GUCY1A2: variants seen among roughly 807,000 people sequenced by gnomAD.
The protein encoded by GUCY1A2 is guanylate cyclase 1 soluble subunit alpha 2, also known as guanylate cyclase soluble subunit alpha-2.
A neutral mutation model predicts 63.5 loss-of-function variants in GUCY1A2; 27 were observed. The ratio of observed to expected loss-of-function variants is 0.43; its 90% CI spans 0.31 to 0.59. GUCY1A2 has a LOEUF of 0.59. Ranked by LOEUF, GUCY1A2 falls within the 20% of genes least tolerant of loss-of-function variation. GUCY1A2 has a pLI of 0.11. For missense variants in GUCY1A2, 768 were observed against 913.3 expected (o/e 0.84, Z 2.05); for synonymous variants, 364 against 343.5 (o/e 1.06, Z -0.66).
intron 4 of GUCY1A2, among the ~76,000 whole-genome samples, chr11:106,911,695 C>T (rs1860296533): frequency 6.6e-6 from 1 of 151,970 alleles, no homozygotes; most frequent in South Asian, 2.1e-4. Context: ...AAGGAAGAAC[C>T]TTATTTTTGT....
chr11:106,800,737 G>C (rs959148174), intron 5 of GUCY1A2, among the ~76,000 whole-genome samples: 2 of 152,020 alleles, frequency 1.3e-5, no homozygotes, highest in African/African-American at 2.4e-5. Flanking sequence ...AGGGCCTGTC[G>C]TGGGGTAGGG....
intron 6 of GUCY1A2, among the ~76,000 whole-genome samples, chr11:106,760,159 A>C (rs1003918346): frequency 8.5e-5 from 13 of 152,140 alleles, no homozygotes; most frequent in African/African-American, 3.1e-4. Flanking sequence ...TGAGACAACA[A>C]ATTTCTGTTG....
At position 106,926,014 on chromosome 11, in the gene GUCY1A2, C is replaced by G. The variant is rs939983428; in HGVS notation, c.1206+13446G>C. ...GCCCTCTCACCTATGATAGTATGAT[C>G]TGTAAAAGTAAATAGAGTGTAAGTA... On this transcript the variant is annotated intron_variant, in intron 4 of 7. Transcript: ENST00000526355. Among the ~76,000 whole-genome samples the G allele has an allele frequency of 5.3e-5, 8 of 152,252 alleles. No individual in the cohort carries two copies. In the East Asian group the frequency reaches 1.3e-3, roughly 26 times the overall value.
At chr11:106,913,969 A>T (rs1860331081) in intron 4 of GUCY1A2, among the ~76,000 whole-genome samples, 1 of 148,270 alleles carries the variant, frequency 6.7e-6, no homozygotes, top group Non-Finnish European at 1.5e-5. Context: ...ATTGATTTCA[A>T]TCAGGTAATG....
intron 3 of GUCY1A2, among the ~76,000 whole-genome samples, chr11:106,950,543 T>G (rs1260920317): frequency 6.6e-6 from 1 of 152,168 alleles, no homozygotes; most frequent in Non-Finnish European, 1.5e-5. Context: ...TTCTCATCAC[T>G]TCTCACGCCT....
intron 5 of GUCY1A2, among the ~76,000 whole-genome samples, chr11:106,806,834 C>T (rs1312283211): frequency 6.6e-6 from 1 of 152,154 alleles, no homozygotes; most frequent in Non-Finnish European, 1.5e-5. Context: ...TTATAGATAG[C>T]TTGATTATTT....
chr11:106,828,013 G>A (rs1325105135), intron 4 of GUCY1A2: 3 of 668,446 alleles, frequency 4.5e-6, no homozygotes, highest in South Asian at 3.4e-5. Context: ...CCGACCTACG[G>A]GTGCTCGGGC....
At chr11:106,857,673 G>A (rs762879189) in intron 4 of GUCY1A2, among the ~76,000 whole-genome samples, 18 of 152,116 alleles carry the variant, frequency 1.2e-4, no homozygotes, top group Non-Finnish European at 2.2e-4. Flanking sequence ...TCAACCAATT[G>A]TGAATTTAAA....
intron 3 of GUCY1A2, among the ~76,000 whole-genome samples, chr11:106,965,310 A>G (rs1861113623): frequency 6.6e-6 from 1 of 152,172 alleles, no homozygotes; most frequent in Non-Finnish European, 1.5e-5. Context: ...AAATAATAAT[A>G]CCTAATTATA....
At chr11:106,845,647 TA>T (rs895629148) in intron 4 of GUCY1A2, among the ~76,000 whole-genome samples, 23 of 147,986 alleles carry the variant, frequency 1.6e-4, no homozygotes, top group African/African-American at 4.2e-4. Flanking sequence ...CAGATAGTTT[TA>T]AAAAAAAAAG....
chr11:106,905,233 C>A (rs1378100808), intron 4 of GUCY1A2, among the ~76,000 whole-genome samples: 1 of 152,138 alleles, frequency 6.6e-6, no homozygotes, highest in Non-Finnish European at 1.5e-5. Context: ...AGAAAGCTGA[C>A]TCATAATTCT....
chr11:106,715,467 G>A (rs1236807313), intron 6 of GUCY1A2, among the ~76,000 whole-genome samples: 1 of 152,170 alleles, frequency 6.6e-6, no homozygotes, highest in Non-Finnish European at 1.5e-5. Context: ...CCAAATTTAA[G>A]TGATGCCTCA....
intron 3 of GUCY1A2, among the ~76,000 whole-genome samples, chr11:106,965,689 TACTC>T (rs1203925694): frequency 1.3e-5 from 2 of 152,170 alleles, no homozygotes; most frequent in Admixed American, 6.5e-5. Flanking sequence ...ACATCAGCCT[TACTC>T]ACTCTCAAAT....
chr11:106,964,712 C>G (rs1166534743), intron 3 of GUCY1A2, among the ~76,000 whole-genome samples: 2 of 152,094 alleles, frequency 1.3e-5, no homozygotes, highest in Non-Finnish European at 2.9e-5. Context: ...AGGTGAGGTG[C>G]CTCATGCCTG....
intron 4 of GUCY1A2, among the ~76,000 whole-genome samples, chr11:106,864,484 C>A (rs1358232879): frequency 1.3e-5 from 2 of 152,072 alleles, no homozygotes; most frequent in Admixed American, 6.6e-5. Flanking sequence ...AGAGGGCATC[C>A]TTGTCTTGTG....
In GUCY1A2 at chr11:106,680,307, T is replaced by C. The variant is rs1862411206; in HGVS notation, c.*7242A>G. 1 of 207,046 alleles carries C rather than the reference T, an allele frequency of 4.8e-6. No individual in the cohort carries two copies. The highest frequency in any genetic ancestry group is 2.3e-5 in the African/African-American group (1 of 43,922). 12.8% of individuals were successfully genotyped at this position (207,046 alleles called of 1,614,324 possible). ...TAGATATAGGTTTAATGACATTTAA[T>C]AGACCACAGTAAAAATATATTAAGT... On this transcript the variant is annotated 3_prime_UTR_variant, in exon 8 of 8. Transcript: ENST00000526355.
chr11:106,924,738 C>T (rs908280553), intron 4 of GUCY1A2, among the ~76,000 whole-genome samples: 6 of 152,166 alleles, frequency 3.9e-5, no homozygotes, highest in Non-Finnish European at 1.5e-5. Context: ...AGCTTGGTGG[C>T]TCATGTCTGT....
At chr11:106,880,816 C>T (rs191523737) in intron 4 of GUCY1A2, among the ~76,000 whole-genome samples, 2 of 152,094 alleles carry the variant, frequency 1.3e-5, no homozygotes, top group African/African-American at 4.8e-5. Context: ...GCCACAAAAT[C>T]CTGGTTTTAT....
At chr11:106,712,771 G>A (rs1863142650) in intron 6 of GUCY1A2, among the ~76,000 whole-genome samples, 1 of 152,114 alleles carries the variant, frequency 6.6e-6, no homozygotes, top group African/African-American at 2.4e-5. Flanking sequence ...TCTCTGCAGT[G>A]TCCTTGATTT....
Sources: gnomAD v4.1 joint callset for allele counts (sites outside exome capture counted in the v4.1 genomes callset) on GRCh38, gnomAD v4.1.1 for gene constraint, MANE v1.5 for transcripts, NCBI Gene and HGNC (gene_info 2026-07-23, HGNC 2026-07-21) for gene names.